SPG7: variants seen among roughly 807,000 people sequenced by gnomAD.
SPG7 encodes the protein mitochondrial inner membrane m-AAA protease component paraplegin.
A neutral mutation model predicts 81.9 loss-of-function variants in SPG7; 103 were observed. The observed-to-expected ratio is 1.26, with a 90% CI of 1.07 to 1.48. SPG7 has a LOEUF of 1.48. SPG7 is among the 40% of genes most tolerant of loss of function. The probability of loss-of-function intolerance (pLI) is 0.00; values close to 1 mark genes in which losing one functional copy is unlikely to be tolerated. For missense variants in SPG7, 1,241 were observed against 1,087.3 expected (o/e 1.14, Z -1.99); for synonymous variants, 534 against 444.2 (o/e 1.20, Z -2.54).
chr16:89,510,874 C>G (rs1263901156), intron 2 of SPG7, among the ~76,000 whole-genome samples: 3 of 152,292 alleles, frequency 2.0e-5, no homozygotes, highest in East Asian at 1.9e-4. Flanking sequence ...TGTCCAGGCC[C>G]AAAGGGGCCT....
Position 89,532,075 on chromosome 16 carries a change from T to A in SPG7, c.1150+9T>A, listed in dbSNP as rs551113229. 1.4e-5 allele frequency: 22 copies of A among 1,611,206 alleles called. No homozygotes were observed. Among genetic ancestry groups the A allele is most frequent in the Non-Finnish European group, 1.8e-5 (21 of 1,179,872 alleles). ...CGTGGAGGTCATTGGAGGTAGGTGC[T>A]GTGGTTGGGGGCTGTGGGTGGGCTT... On this transcript the variant is annotated intron_variant, in intron 8 of 16. Coordinates refer to ENST00000645818, the MANE Select transcript of SPG7 (RefSeq NM_003119.4).
chr16:89,537,007 C>G lies in SPG7; in HGVS notation c.1324+4371C>G, dbSNP rs371438038. 8 of 1,612,452 alleles carry G rather than the reference C, an allele frequency of 5.0e-6. No individual in the cohort carries two copies. In the Admixed American group the frequency reaches 6.7e-5, roughly 13 times the overall value. On this transcript the variant is annotated intron_variant, in intron 9 of 16. Coordinates refer to ENST00000645818, the MANE Select transcript of SPG7 (RefSeq NM_003119.4). The stretch of plus-strand genomic sequence containing the variant: ...CCTCTCTGTGCCATCATAAGAATAG[C>G]TGCTTCCGCCCCCGGATTTGCTCAG...
intron 14 of SPG7, 95 bp downstream of exon 14, chr16:89,553,230 T>A (rs2058654740): frequency 8.2e-7 from 1 of 1,216,084 alleles, no homozygotes; most frequent in South Asian, 1.3e-5. Flanking sequence ...GAATCTGGTG[T>A]AGACGTAGCT....
chr16:89,512,786 A>G (rs1317862029), intron 2 of SPG7, among the ~76,000 whole-genome samples, 162 bp from the exon 3 acceptor site: 1 of 152,262 alleles, frequency 6.6e-6, no homozygotes, highest in East Asian at 1.9e-4. Flanking sequence ...ACTAAGTGAT[A>G]TAGGATATGC....
chr16:89,514,138 C>T (rs2058059016), intron 3 of SPG7, among the ~76,000 whole-genome samples: 1 of 152,002 alleles, frequency 6.6e-6, no homozygotes, highest in South Asian at 2.1e-4. Context: ...GCGTTTCTGG[C>T]TTTAGGCTCA....
chr16:89,529,486 C>G lies in SPG7; in HGVS notation c.768C>G (p.Tyr256Ter), dbSNP rs759122744. 1.9e-6 allele frequency: 3 copies of G among 1,612,592 alleles called. No homozygotes were observed. Among genetic ancestry groups the G allele is most frequent in the Admixed American group, 3.3e-5 (2 of 59,932 alleles). ...KRTGFFGNALYSVGMTAVGLA... is the reference protein window; with the variant it reads ...KRTGFFGNAL ...CTCTTTCTTCCGGCAGTGCCCTGTACTCTGTGGGGATGACGGCAGTGGGCC... is the reference window on the plus strand; with the variant it reads ...CTCTTTCTTCCGGCAGTGCCCTGTAGTCTGTGGGGATGACGGCAGTGGGCC... Residue 256 changes from tyrosine to a stop codon, truncating the protein, a stop_gained, in exon 6 of 17, where the codon TAC (tyrosine) becomes TAG (stop). Coordinates refer to ENST00000645818, the MANE Select transcript of SPG7 (RefSeq NM_003119.4). LOFTEE classifies it high-confidence loss of function.
rs753624999 is a variant in SPG7 at position 89,524,265 on chromosome 16, AGGCCTGTGAGTGAG to A, written c.618+21_618+34del. 23 of 1,599,828 alleles carry A rather than the reference AGGCCTGTGAGTGAG, an allele frequency of 1.4e-5. 1 individual carries two copies. In the Middle Eastern group the frequency reaches 1.5e-3, roughly 104 times the overall value. On this transcript the variant is annotated intron_variant, in intron 4 of 16. Transcript: ENST00000645818. ...GGCGGCCTGTGAGTGAGGGTGCGGG[AGGCCTGTGAGTGAG>A]GGTGTGGGCACAGGCTGGCAGCCTG...
chr16:89,554,679 T>G, intron 16 of SPG7, 116 bp downstream of exon 16: 1 of 728,020 alleles, frequency 1.4e-6, no homozygotes, highest in Non-Finnish European at 2.4e-6. Flanking sequence ...GAGAACACTC[T>G]GACCGATGTG....
chr16:89,537,026 T>A (rs2058434154), intron 9 of SPG7: 1 of 1,608,704 alleles, frequency 6.2e-7, no homozygotes, highest in Non-Finnish European at 8.5e-7. Context: ...CCCCCGGATT[T>A]GCTCAGGCCT....
chr16:89,557,524 T>C lies in SPG7; in HGVS notation c.*431T>C. 4.4e-6 allele frequency: 1 copy of C among 226,144 alleles called. No individual in the cohort carries two copies. The allele number at this position is 226,144 out of a possible 1,614,324, so 14.0% of individuals were successfully genotyped here. Reference sequence around the variant, plus strand: ...AAGGGGATCGGACATGAAAGGACCCTGTGAGCCGATTGTCCTATCTCCAGC... The same window carrying C: ...AAGGGGATCGGACATGAAAGGACCCCGTGAGCCGATTGTCCTATCTCCAGC... On this transcript the variant is annotated 3_prime_UTR_variant, in exon 17 of 17. Transcript: ENST00000645818.
At chr16:89,535,756 GT>G (rs1434209293) in intron 9 of SPG7, among the ~76,000 whole-genome samples, 8 of 152,222 alleles carry the variant, frequency 5.3e-5, no homozygotes, top group African/African-American at 1.9e-4. Context: ...ATCACCATGC[GT>G]TTTAGAGGCC....
Position 89,546,834 on chromosome 16 carries a change from G to A in SPG7, c.1552+74G>A, listed in dbSNP as rs567282767. 38 of 968,006 alleles carry A rather than the reference G, an allele frequency of 3.9e-5. No individual in the cohort carries two copies. The Admixed American group carries it at 4.8e-4, about 12-fold the overall frequency. The allele number at this position is 968,006 out of a possible 1,614,324, so 60.0% of individuals were successfully genotyped here. On this transcript the variant is annotated intron_variant, in intron 11 of 16. Transcript: ENST00000645818. ...TGGTGTCACCTGCGCAAACAGCATC[G>A]AGGCCTCCTCTGTGGGGTGGGCGCT...
chr16:89,554,313 G>A (rs1379611095), intron 15 of SPG7, among the ~76,000 whole-genome samples, 173 bp from the exon 16 acceptor site: 1 of 152,202 alleles, frequency 6.6e-6, no homozygotes, highest in Non-Finnish European at 1.5e-5. Context: ...GGCATGCGGA[G>A]CCCTGCTTTC....
rs369503365 is a variant in SPG7, at chr16:89,553,871, G to C, written c.2014G>C (p.Gly672Arg). The stretch of plus-strand genomic sequence containing the variant: ...GCAGTTTGGGATGGCACCTGGCATC[G>C]GGCCCATCTCCTTCCCTGAGGCGCA... ...VKQFGMAPGI[G>R]PISFPEAQEG... is the part of the protein sequence containing the mutation. Residue 672 changes from glycine (G) to arginine (R), a missense_variant, in exon 15 of 17, where the codon GGG becomes CGG. Transcript: ENST00000645818. 1 of 1,613,454 alleles carries C rather than the reference G, an allele frequency of 6.2e-7. No individual in the cohort carries two copies. Among genetic ancestry groups the C allele is most frequent in the East Asian group, 2.2e-5 (1 of 44,880 alleles).
chr16:89,515,724 T>A (rs35351531), intron 3 of SPG7, among the ~76,000 whole-genome samples: 1 of 149,052 alleles, frequency 6.7e-6, no homozygotes, highest in Non-Finnish European at 1.5e-5. Context: ...TATTTTTTTT[T>A]TTGAGATGGG....
rs758338586 is a variant in SPG7, at chr16:89,548,106, C to T, written c.1656C>T (p.Val552=). Residue 552 remains valine, a synonymous_variant, in exon 12 of 17, where the codon GTC becomes GTT. Transcript: ENST00000645818. ...TLNFEYAVER[V]LAGTAKKSKI... ...ACTTCGAGTACGCCGTGGAGCGCGT[C>T]CTCGCAGGTACAGGGGGCGCGCCCT... 3.7e-6 allele frequency: 6 copies of T among 1,603,436 alleles called. No individual in the cohort carries two copies. The South Asian group carries it at 5.5e-5, about 15-fold the overall frequency.
At chr16:89,555,446 G>A (rs182778966) in intron 16 of SPG7, 19 of 157,638 alleles carry the variant, frequency 1.2e-4, no homozygotes, top group African/African-American at 2.9e-4. Flanking sequence ...ACCCTGCCTC[G>A]CTCCCGTGGA....
chr16:89,556,222 A>G (rs1175688289), intron 16 of SPG7: 7 of 399,132 alleles, frequency 1.8e-5, no homozygotes, highest in Middle Eastern at 6.2e-4. Flanking sequence ...CTCTTGCAAT[A>G]CAGCCACAGG....
chr16:89,512,021 C>G (rs566270691), intron 2 of SPG7, among the ~76,000 whole-genome samples: 3 of 151,534 alleles, frequency 2.0e-5, no homozygotes, highest in Admixed American at 6.6e-5. Flanking sequence ...CCGCCATTCT[C>G]CTGCCTCAGC....
Sources: gnomAD v4.1 joint callset for allele counts (sites outside exome capture counted in the v4.1 genomes callset) on GRCh38, gnomAD v4.1.1 for gene constraint, MANE v1.5 for transcripts, NCBI Gene and HGNC (gene_info 2026-07-23, HGNC 2026-07-21) for gene names.